TES: variants seen among roughly 807,000 people sequenced by gnomAD.
The protein encoded by TES is testin LIM domain protein.
Under a neutral mutation model 48.2 loss-of-function variants are expected in TES, and 41 were observed. The ratio of observed to expected loss-of-function variants is 0.85; its 90% CI spans 0.66 to 1.10. The LOEUF (loss-of-function observed/expected upper bound fraction) is 1.10. Among genes scored for constraint, TES ranks in the 50% least tolerant of loss-of-function variants. The pLI is 0.00. For missense variants in TES, 463 were observed against 515.1 expected (o/e 0.90, Z 0.98); for synonymous variants, 162 against 174.9 (o/e 0.93, Z 0.58).
intron 6 of TES, 148 bp from the exon 7 acceptor site, chr7:116,257,146 G>T (rs1046711539): frequency 1.2e-6 from 1 of 807,152 alleles, no homozygotes; most frequent in East Asian, 2.9e-5. Flanking sequence ...GGCCAAAAAG[G>T]TTAGCTAGAA....
chr7:116,254,413 G>T (rs1425210143), intron 6 of TES, among the ~76,000 whole-genome samples: 1 of 152,016 alleles, frequency 6.6e-6, no homozygotes, highest in African/African-American at 2.4e-5. Flanking sequence ...TTAAATAAAA[G>T]AATTTTCAAA....
intron 2 of TES, among the ~76,000 whole-genome samples, chr7:116,246,943 G>A (rs905158173): frequency 7.8e-4 from 86 of 109,640 alleles, no homozygotes; most frequent in African/African-American, 2.7e-3. Flanking sequence ...CAGAGACTAG[G>A]CCCCTTTTTT....
At chr7:116,212,179 T>TG (rs146700971) in intron 1 of TES, among the ~76,000 whole-genome samples, 9 of 152,258 alleles carry the variant, frequency 5.9e-5, no homozygotes, top group Non-Finnish European at 7.4e-5. Context: ...GTCTAAAACT[T>TG]GGGGGGTCTT....
chr7:116,235,096 A>G (rs1799751516), intron 2 of TES, among the ~76,000 whole-genome samples: 1 of 152,110 alleles, frequency 6.6e-6, no homozygotes, highest in Non-Finnish European at 1.5e-5. Flanking sequence ...GGCTTGTGCC[A>G]CGACACCTGG....
chr7:116,219,755 G>A (rs1228988205), intron 1 of TES, among the ~76,000 whole-genome samples: 1 of 152,126 alleles, frequency 6.6e-6, no homozygotes, highest in Non-Finnish European at 1.5e-5. Flanking sequence ...GCTATAGAGG[G>A]ACAGTTGAAT....
rs3832530 is a variant in TES, at chr7:116,257,638, AT to A, written c.*164del. ...TTTTTTGGCCATTTTTTCTTCATCA[AT>A]TTTTTTTCGGTCTCAACTTTTAAAC... is the stretch of plus-strand genomic sequence containing the variant. On this transcript the variant is annotated 3_prime_UTR_variant, in exon 7 of 7. Transcript: ENST00000358204. 0.28 allele frequency: 173,446 copies of A among 623,434 alleles called. 28,626 individuals are homozygous for A. The highest frequency in any genetic ancestry group is 0.59 in the East Asian group (17,680 of 30,174). 38.6% of individuals were successfully genotyped at this position (623,434 alleles called of 1,614,324 possible).
chr7:116,233,042 C>T (rs1799721334), intron 1 of TES, among the ~76,000 whole-genome samples: 1 of 152,172 alleles, frequency 6.6e-6, no homozygotes, highest in Admixed American at 6.5e-5. Context: ...GAACCAGTTA[C>T]AATGTGGTTT....
At chr7:116,223,084 C>A (rs1175274620) in intron 1 of TES, 5 of 785,632 alleles carry the variant, frequency 6.4e-6, no homozygotes, top group Non-Finnish European at 4.6e-6. Flanking sequence ...TGATAGCAGT[C>A]CGTTTGAAAA....
At chr7:116,244,931 A>T (rs1447302633) in intron 2 of TES, among the ~76,000 whole-genome samples, 1 of 152,144 alleles carries the variant, frequency 6.6e-6, no homozygotes, top group Non-Finnish European at 1.5e-5. Context: ...GCCAAGCTAT[A>T]CCTTGGCCCC....
At chr7:116,245,825 C>T (rs1379914511) in intron 2 of TES, among the ~76,000 whole-genome samples, 1 of 152,088 alleles carries the variant, frequency 6.6e-6, no homozygotes, top group Non-Finnish European at 1.5e-5. Context: ...GCTGAGGAGG[C>T]CTCAGGAAAC....
chr7:116,245,522 C>T (rs1045965994), intron 2 of TES, among the ~76,000 whole-genome samples: 12 of 152,164 alleles, frequency 7.9e-5, no homozygotes, highest in African/African-American at 2.2e-4. Flanking sequence ...CTAGGAAGTT[C>T]GAAACTTTCC....
intron 6 of TES, among the ~76,000 whole-genome samples, chr7:116,254,591 C>A (rs1056082296): frequency 6.6e-6 from 1 of 151,932 alleles, no homozygotes; most frequent in African/African-American, 2.4e-5. Flanking sequence ...AAAAAATTAG[C>A]TGGGCGTGGT....
At chr7:116,248,094 C>T (rs1357038732) in intron 2 of TES, among the ~76,000 whole-genome samples, 2 of 152,160 alleles carry the variant, frequency 1.3e-5, no homozygotes, top group African/African-American at 4.8e-5. Context: ...TGTATTAATT[C>T]ACTTAAGATA....
At chr7:116,210,809 C>G in intron 1 of TES, 75 bp downstream of exon 1, 5 of 1,203,836 alleles carry the variant, frequency 4.2e-6, no homozygotes, top group Non-Finnish European at 5.2e-6. Context: ...CCGGAGGTGC[C>G]GAGGTGGGTG....
chr7:116,238,745 G>A (rs995905339), intron 2 of TES, among the ~76,000 whole-genome samples: 4 of 151,834 alleles, frequency 2.6e-5, no homozygotes, highest in East Asian at 1.9e-4. Context: ...GATTACAGGC[G>A]CCCGCCACCA....
intron 1 of TES, among the ~76,000 whole-genome samples, chr7:116,233,905 A>G (rs987981611): frequency 7.2e-5 from 11 of 152,092 alleles, no homozygotes; most frequent in Non-Finnish European, 1.2e-4. Context: ...TCAGGGGCTA[A>G]TCCCATCAAT....
intron 1 of TES, among the ~76,000 whole-genome samples, chr7:116,223,755 TATTTGAAATGGGCAAA>T (rs1472907904): frequency 6.6e-6 from 1 of 152,226 alleles, no homozygotes; most frequent in Non-Finnish European, 1.5e-5. Flanking sequence ...AGAATTTAAA[TATTTGAAATGGGCAAA>T]ATAAAGAGAA....
intron 2 of TES, chr7:116,243,709 A>G (rs1290134694): frequency 2.6e-5 from 4 of 152,210 alleles, no homozygotes; most frequent in East Asian, 1.9e-4. Context: ...AATTATATTC[A>G]TTCTACTAAT....
intron 3 of TES, 88 bp downstream of exon 3, chr7:116,249,360 C>A: frequency 6.9e-7 from 1 of 1,450,728 alleles, no homozygotes; most frequent in Non-Finnish European, 9.6e-7. Flanking sequence ...ATCAACTTCA[C>A]ACATCCCAGA....
Sources: allele counts gnomAD v4.1 joint callset (sites outside exome capture counted in the v4.1 genomes callset), GRCh38; gene constraint gnomAD v4.1.1; transcripts MANE v1.5; gene names NCBI Gene and HGNC (gene_info 2026-07-23, HGNC 2026-07-21).